CYBRD1: variants seen among roughly 807,000 people sequenced by gnomAD.
CYBRD1 encodes the protein cytochrome b reductase 1.
In CYBRD1, 14 loss-of-function variants were observed where a neutral mutation model predicts 21.9. The observed-to-expected ratio is 0.64, with a 90% confidence interval of 0.42 to 1.00. CYBRD1 has a LOEUF of 1.00. Ranked by LOEUF, CYBRD1 falls within the 50% of genes least tolerant of loss-of-function variation. The pLI is 0.00. For synonymous variants in CYBRD1, 146 were observed against 136.5 expected, an observed-to-expected ratio of 1.07 and a Z score of -0.48; for missense variants, 328 against 352.5, an observed-to-expected ratio of 0.93 and a Z score of 0.56.
chr2:171,545,770 A>G (rs1272086880), intron 2 of CYBRD1, among the ~76,000 whole-genome samples: 1 of 152,120 alleles, frequency 6.6e-6, no homozygotes, highest in Non-Finnish European at 1.5e-5. Context: ...AAAAGTATAC[A>G]ATGGGTAATG....
chr2:171,530,988 CA>C (rs978931573), intron 1 of CYBRD1, among the ~76,000 whole-genome samples: 12 of 149,706 alleles, frequency 8.0e-5, no homozygotes, highest in Admixed American at 6.6e-4. Flanking sequence ...CCCATCTCTA[CA>C]AAAAAAAATA....
At chr2:171,554,356 T>C (rs1574446828) in intron 3 of CYBRD1, among the ~76,000 whole-genome samples, 168 bp from the exon 4 acceptor site, 2 of 152,326 alleles carry the variant, frequency 1.3e-5, no homozygotes. Context: ...AATTTCATTA[T>C]ATATTCCCGA....
At chr2:171,524,939 C>A (rs911379909) in intron 1 of CYBRD1, among the ~76,000 whole-genome samples, 1 of 152,076 alleles carries the variant, frequency 6.6e-6, no homozygotes, top group Admixed American at 6.6e-5. Context: ...AATCTTGTTT[C>A]TTTTTTTCTT....
At chr2:171,549,058 T>C (rs527792275) in intron 2 of CYBRD1, among the ~76,000 whole-genome samples, 30 of 152,298 alleles carry the variant, frequency 2.0e-4, no homozygotes, top group African/African-American at 6.7e-4. Context: ...GCATTTAAGA[T>C]GGAAACTTTA....
chr2:171,525,973 G>C (rs930339611), intron 1 of CYBRD1, among the ~76,000 whole-genome samples: 12 of 102,936 alleles, frequency 1.2e-4, no homozygotes, highest in Admixed American at 1.2e-3. Context: ...AAAAAAAAAA[G>C]AAGTAGGCTC....
At chr2:171,531,118 T>G (rs1422879763) in intron 1 of CYBRD1, among the ~76,000 whole-genome samples, 1 of 138,266 alleles carries the variant, frequency 7.2e-6, no homozygotes, top group African/African-American at 2.8e-5. Context: ...ACCATGCCAC[T>G]GCACTCCAGC....
chr2:171,528,336 C>T (rs1392296398), intron 1 of CYBRD1, among the ~76,000 whole-genome samples: 1 of 152,136 alleles, frequency 6.6e-6, no homozygotes, highest in Non-Finnish European at 1.5e-5. Flanking sequence ...CTACCCGCCT[C>T]AGCCTCCCAA....
intron 2 of CYBRD1, among the ~76,000 whole-genome samples, chr2:171,551,727 T>G (rs545765074): frequency 6.6e-6 from 1 of 152,238 alleles, no homozygotes; most frequent in African/African-American, 2.4e-5. Context: ...TTTGTAGAGT[T>G]GTTGTCTCCA....
rs563910036 is a variant in CYBRD1, at chr2:171,550,700, G to A, written c.403-2646G>A. Among the ~76,000 whole-genome samples the A allele has an allele frequency of 4.6e-5, 7 of 152,138 alleles. No homozygotes were observed. In the South Asian group the frequency reaches 1.0e-3, roughly 23 times the overall value. On this transcript the variant is annotated intron_variant, in intron 2 of 3. Coordinates refer to ENST00000321348, the MANE Select transcript of CYBRD1 (RefSeq NM_024843.4). ...TTTAATGGTGAAAGTCAGATTTAGG[G>A]TAGTTAAGTTGCTCAGGGATCCTGT...
rs147050491 is a variant in CYBRD1, at chr2:171,546,014, C to T, written c.402+4221C>T. Among the ~76,000 whole-genome samples, 399 of 152,238 alleles carry T rather than the reference C, an allele frequency of 2.6e-3. 2 individuals carry two copies. Among genetic ancestry groups the T allele is most frequent in the African/African-American group, 8.8e-3 (367 of 41,544 alleles). On this transcript the variant is annotated intron_variant, in intron 2 of 3. Transcript: ENST00000321348. ...ATATTTGTCTCAAAATTCTCTTTTG[C>T]TGTCTGAAATATCCAGATTCATATC...
chr2:171,534,765 T>C (rs1022412721), intron 1 of CYBRD1, among the ~76,000 whole-genome samples: 2 of 152,246 alleles, frequency 1.3e-5, no homozygotes, highest in African/African-American at 2.4e-5. Flanking sequence ...TATGGAAATA[T>C]TGTTTTAACT....
chr2:171,544,054 C>T (rs1697675497), intron 2 of CYBRD1, among the ~76,000 whole-genome samples: 1 of 152,154 alleles, frequency 6.6e-6, no homozygotes, highest in Non-Finnish European at 1.5e-5. Context: ...TTTATGAGTT[C>T]CCATATCCTT....
At chr2:171,525,520 G>A (rs1287894088) in intron 1 of CYBRD1, among the ~76,000 whole-genome samples, 3 of 152,060 alleles carry the variant, frequency 2.0e-5, no homozygotes, top group Admixed American at 6.6e-5. Context: ...TATAGGCTGC[G>A]AGGGACCCAC....
intron 2 of CYBRD1, among the ~76,000 whole-genome samples, chr2:171,543,163 A>G (rs191252250): frequency 4.6e-5 from 7 of 152,338 alleles, no homozygotes; most frequent in African/African-American, 1.4e-4. Context: ...CCTGTACATC[A>G]GAAGTCCAGA....
At chr2:171,527,100 A>T in intron 1 of CYBRD1, among the ~76,000 whole-genome samples, 1 of 152,210 alleles carries the variant, frequency 6.6e-6, no homozygotes, top group Non-Finnish European at 1.5e-5. Context: ...GATAACGGAG[A>T]AAGTGTCCCA....
chr2:171,534,001 C>A (rs1697511176), intron 1 of CYBRD1, among the ~76,000 whole-genome samples: 1 of 152,174 alleles, frequency 6.6e-6, no homozygotes, highest in Admixed American at 6.5e-5. Context: ...CCACCACACC[C>A]AGCCGACATT....
rs1291153040 is a variant in CYBRD1, at chr2:171,555,457, G to A, written c.*630G>A. The stretch of plus-strand genomic sequence containing the variant: ...TATTGATAGATTAGAGCAGGTGGTT[G>A]AAGAGATCTTCTCTGGTCAGACTTG... On this transcript the variant is annotated 3_prime_UTR_variant, in exon 4 of 4. Coordinates refer to ENST00000321348, the MANE Select transcript of CYBRD1 (RefSeq NM_024843.4). The A allele has an allele frequency of 2.0e-5, 3 of 152,970 alleles. No individual in the cohort carries two copies. The highest frequency in any genetic ancestry group is 7.2e-5 in the African/African-American group (3 of 41,430). 9.5% of individuals were successfully genotyped at this position (152,970 alleles called of 1,614,324 possible).
intron 1 of CYBRD1, chr2:171,523,092 C>A (rs1006187240): frequency 3.6e-5 from 12 of 337,538 alleles, no homozygotes; most frequent in Non-Finnish European, 6.9e-5. Flanking sequence ...AACTTGAGCC[C>A]GGGCGCGATG....
At chr2:171,550,677 T>A (rs987529269) in intron 2 of CYBRD1, among the ~76,000 whole-genome samples, 22 of 152,186 alleles carry the variant, frequency 1.4e-4, no homozygotes, top group Non-Finnish European at 1.5e-4. Flanking sequence ...AAAAAATGTT[T>A]AATGGTGAAA....
Sources: gnomAD v4.1 joint callset for allele counts (sites outside exome capture counted in the v4.1 genomes callset) on GRCh38, gnomAD v4.1.1 for gene constraint, MANE v1.5 for transcripts, NCBI Gene and HGNC (gene_info 2026-07-23, HGNC 2026-07-21) for gene names.